ARMH3: variants seen among roughly 807,000 people sequenced by gnomAD.
ARMH3 encodes armadillo-like helical domain-containing protein 3.
In ARMH3, 60 loss-of-function variants were observed where a neutral mutation model predicts 99.1. The ratio of observed to expected loss-of-function variants is 0.61; its 90% confidence interval spans 0.49 to 0.75. ARMH3 has a LOEUF of 0.75. ARMH3 is among the 30% of genes least tolerant of loss of function. The pLI is 0.00. For synonymous variants in ARMH3, 285 were observed against 292.8 expected, an observed-to-expected ratio of 0.97 and a Z score of 0.27; for missense variants, 679 against 843.1, an observed-to-expected ratio of 0.81 and a Z score of 2.41.
At chr10:102,050,799 C>G (rs1167122738) in intron 1 of ARMH3, among the ~76,000 whole-genome samples, 1 of 149,070 alleles carries the variant, frequency 6.7e-6, no homozygotes, top group Admixed American at 6.8e-5. Context: ...AGAGGTTGCG[C>G]TGAGCTGAGA....
intron 23 of ARMH3, among the ~76,000 whole-genome samples, chr10:101,908,654 TTTTC>T (rs981914878): frequency 1.8e-4 from 28 of 151,574 alleles, no homozygotes; most frequent in Non-Finnish European, 1.9e-4. Context: ...ACTGTGGGTT[TTTTC>T]TTTTTCTTTT....
At chr10:101,889,566 T>G in intron 23 of ARMH3, 76 bp from the exon 24 acceptor site, 3 of 1,318,274 alleles carry the variant, frequency 2.3e-6, no homozygotes, top group Non-Finnish European at 3.3e-6. Flanking sequence ...AAGGATCAAG[T>G]ACCCTCTGGT....
chr10:101,994,319 T>C (rs1846953094), intron 16 of ARMH3, among the ~76,000 whole-genome samples: 1 of 152,318 alleles, frequency 6.6e-6, no homozygotes, highest in African/African-American at 2.4e-5. Flanking sequence ...CCACTGCTAA[T>C]AAGCAGCTCT....
At chr10:101,853,445 G>A (rs191689775) in intron 24 of ARMH3, among the ~76,000 whole-genome samples, 17 of 152,238 alleles carry the variant, frequency 1.1e-4, no homozygotes, top group Admixed American at 9.8e-4. Context: ...TTGAGTCTCA[G>A]CACTGGCCTG....
At chr10:101,947,548 C>T (rs1195911527) in intron 22 of ARMH3, among the ~76,000 whole-genome samples, 1 of 152,036 alleles carries the variant, frequency 6.6e-6, no homozygotes, top group Non-Finnish European at 1.5e-5. Flanking sequence ...CACCTGTAAT[C>T]CCAGCACTTT....
Position 102,002,960 on chromosome 10 carries a change from C to CAAATAAATAAAT in ARMH3, c.1049-900_1049-889dup, listed in dbSNP as rs72287750. On this transcript the variant is annotated intron_variant, in intron 14 of 25. Transcript: ENST00000370033. ...TGGGTGACACAGCGAGACTCTGTCA[C>CAAATAAATAAAT]AAATAAATAAATAAATAAATAAATA... is the stretch of plus-strand genomic sequence containing the variant. 3.7e-3 allele frequency among the ~76,000 whole-genome samples: 498 copies of CAAATAAATAAAT among 136,090 alleles called. 2 individuals carry two copies. Among genetic ancestry groups the CAAATAAATAAAT allele is most frequent in the Admixed American group, 6.2e-3 (82 of 13,310 alleles). 89.3% of individuals were successfully genotyped at this position (136,090 alleles called of 152,430 possible).
chr10:102,029,519 A>G, intron 5 of ARMH3, 119 bp downstream of exon 5: 1 of 1,598,162 alleles, frequency 6.3e-7, no homozygotes, highest in Non-Finnish European at 8.5e-7. Flanking sequence ...TGCAAGGCCA[A>G]ATTCAATCAT....
chr10:102,011,372 T>C (rs764087467), intron 11 of ARMH3, among the ~76,000 whole-genome samples: 5 of 152,108 alleles, frequency 3.3e-5, no homozygotes, highest in Non-Finnish European at 7.4e-5. Flanking sequence ...GAGCCAACTC[T>C]TTAGGAAGCA....
chr10:101,871,077 AAT>A (rs1447103385), intron 24 of ARMH3, among the ~76,000 whole-genome samples: 1 of 152,232 alleles, frequency 6.6e-6, no homozygotes, highest in Non-Finnish European at 1.5e-5. Context: ...TGGAAATTGA[AAT>A]TTAAAATACC....
intron 14 of ARMH3, among the ~76,000 whole-genome samples, chr10:102,006,161 T>C (rs141148243): frequency 6.6e-6 from 1 of 152,364 alleles, no homozygotes; most frequent in East Asian, 1.9e-4. Context: ...ATAACATTAC[T>C]ATTTTACATT....
chr10:101,991,943 T>C (rs1043979495), intron 18 of ARMH3, 26 bp downstream of exon 18: 75 of 1,593,874 alleles, frequency 4.7e-5, no homozygotes, highest in Non-Finnish European at 6.2e-5. Context: ...CACAGAACAA[T>C]GTCAATGTTG....
chr10:101,982,616 G>C (rs1277053931), intron 19 of ARMH3, among the ~76,000 whole-genome samples: 2 of 152,206 alleles, frequency 1.3e-5, no homozygotes, highest in Non-Finnish European at 1.5e-5. Flanking sequence ...TGTATTTACA[G>C]CTGCTGCCCA....
intron 14 of ARMH3, among the ~76,000 whole-genome samples, chr10:102,004,012 A>T (rs1297286913): frequency 6.6e-6 from 1 of 152,232 alleles, no homozygotes. Context: ...CCTAACTGGT[A>T]AGTGGGGCTT....
At chr10:102,000,436 T>C (rs2066327372) in intron 15 of ARMH3, among the ~76,000 whole-genome samples, 1 of 151,896 alleles carries the variant, frequency 6.6e-6, no homozygotes, top group Non-Finnish European at 1.5e-5. Context: ...TAGTGTTTAA[T>C]GGGTATAGAG....
chr10:101,992,686 G>A (rs764564613), intron 17 of ARMH3, among the ~76,000 whole-genome samples: 4 of 151,884 alleles, frequency 2.6e-5, no homozygotes, highest in South Asian at 2.1e-4. Context: ...TAGTAGAAAC[G>A]GGGTTTCATC....
At chr10:102,009,343 A>G in intron 13 of ARMH3, 31 bp downstream of exon 13, 1 of 1,585,752 alleles carries the variant, frequency 6.3e-7, no homozygotes, top group Non-Finnish European at 8.7e-7. Flanking sequence ...TTTAGAGAGA[A>G]AAAAACACTG....
intron 16 of ARMH3, among the ~76,000 whole-genome samples, chr10:101,993,880 G>A (rs1403129705): frequency 6.6e-6 from 1 of 152,352 alleles, no homozygotes; most frequent in East Asian, 1.9e-4. Context: ...TGAGAGGAAT[G>A]AGAGTAATCT....
At chr10:101,916,193 A>G (rs1843080511) in intron 23 of ARMH3, among the ~76,000 whole-genome samples, 1 of 152,144 alleles carries the variant, frequency 6.6e-6, no homozygotes, top group African/African-American at 2.4e-5. Context: ...AATCCAGAGA[A>G]CTCAAATAAT....
chr10:101,893,910 C>T (rs2067755328), intron 23 of ARMH3, among the ~76,000 whole-genome samples: 2 of 152,096 alleles, frequency 1.3e-5, no homozygotes, highest in Admixed American at 1.3e-4. Context: ...ATTGTTTGGG[C>T]AAACTTATCC....
Sources: allele counts gnomAD v4.1 joint callset (sites outside exome capture counted in the v4.1 genomes callset), GRCh38; gene constraint gnomAD v4.1.1; transcripts MANE v1.5; gene names NCBI Gene and HGNC (gene_info 2026-07-23, HGNC 2026-07-21).